KIF3A: variants seen among roughly 807,000 people sequenced by gnomAD.
KIF3A encodes kinesin-like protein KIF3A.
Under a neutral mutation model 92.6 loss-of-function variants are expected in KIF3A, and 27 were observed. The ratio of observed to expected loss-of-function variants is 0.29; its 90% CI spans 0.21 to 0.40. The LOEUF (loss-of-function observed/expected upper bound fraction) is 0.40, where lower values mean the gene tolerates loss of function less well. Ranked by LOEUF, KIF3A falls within the 10% of genes least tolerant of loss-of-function variation. The probability of loss-of-function intolerance (pLI) is 1.00; values close to 1 mark genes in which losing one functional copy is unlikely to be tolerated. For missense variants in KIF3A, 581 were observed against 872.6 expected, an observed-to-expected ratio of 0.67 and a Z score of 4.21; for synonymous variants, 250 against 275.4, an observed-to-expected ratio of 0.91 and a Z score of 0.92.
downstream of KIF3A, among the ~76,000 whole-genome samples, chr5:132,691,762 C>T (rs1031521712): frequency 2.6e-4 from 40 of 151,408 alleles, no homozygotes; most frequent in African/African-American, 9.5e-4. Flanking sequence ...ATTAGCCAGG[C>T]ATGGTGGTGC....
At chr5:132,699,334 A>G (rs1236086994) in intron 17 of KIF3A, 39 bp from the exon 18 acceptor site, 2 of 1,602,466 alleles carry the variant, frequency 1.2e-6, no homozygotes, top group Non-Finnish European at 1.7e-6. Context: ...TCTTAAGGCA[A>G]AGAGTTAAAG....
intron 15 of KIF3A, among the ~76,000 whole-genome samples, chr5:132,701,821 T>C (rs183220911): frequency 6.6e-5 from 10 of 152,270 alleles, no homozygotes; most frequent in African/African-American, 1.9e-4. Flanking sequence ...TCTACTTGTA[T>C]GATAATGGGC....
chr5:132,727,872 T>A (rs1401138880), intron 2 of KIF3A, among the ~76,000 whole-genome samples: 1 of 152,222 alleles, frequency 6.6e-6, no homozygotes, highest in Middle Eastern at 3.2e-3. Context: ...CAACTAATAC[T>A]ACTCTATTCA....
At chr5:132,702,060 A>C in intron 15 of KIF3A, 27 bp downstream of exon 15, 1 of 1,596,164 alleles carries the variant, frequency 6.3e-7, no homozygotes, top group South Asian at 1.1e-5. Flanking sequence ...TCAAGCGACT[A>C]TCTCGGTCAG....
Position 132,716,863 on chromosome 5 carries a change from G to A in KIF3A, c.738C>T (p.Leu246=). 1 of 1,613,960 alleles carries A rather than the reference G, an allele frequency of 6.2e-7. No individual in the cohort carries two copies. The highest frequency in any genetic ancestry group is 1.3e-5 in the African/African-American group (1 of 75,028). ...TACTTACAGCAAGATCTACAAGATG[G>A]AGCTTCCCCATCCTGACATGCATGT... The part of the protein sequence containing the change: ...DGNMHVRMGK[L]HLVDLAGSER... The change falls in exon 6 of 19, where the codon CTC becomes CTT. Residue 246 remains leucine, a synonymous_variant. Coordinates refer to ENST00000403231, the MANE Select transcript of KIF3A (RefSeq NM_001300791.2).
downstream of KIF3A, among the ~76,000 whole-genome samples, chr5:132,691,563 T>C (rs911490382): frequency 6.6e-6 from 1 of 151,782 alleles, no homozygotes; most frequent in Non-Finnish European, 1.5e-5. Context: ...AAAAAAAGTA[T>C]TTTTGGTGAA....
chr5:132,691,178 A>AC (rs1752655139), downstream of KIF3A, among the ~76,000 whole-genome samples: 2 of 152,296 alleles, frequency 1.3e-5, no homozygotes, highest in African/African-American at 4.8e-5. Flanking sequence ...CTACATACAC[A>AC]CTTCCTTAAG....
chr5:132,699,432 A>G (rs889231072), intron 17 of KIF3A, 137 bp from the exon 18 acceptor site: 1 of 781,736 alleles, frequency 1.3e-6, no homozygotes, highest in African/African-American at 1.7e-5. Context: ...TAATGACATC[A>G]TCTTCTAATC....
intron 16 of KIF3A, 129 bp from the exon 17 acceptor site, chr5:132,700,413 G>T: frequency 1.5e-6 from 1 of 688,042 alleles, no homozygotes; most frequent in Non-Finnish European, 2.5e-6. Context: ...AGCAGAAAGG[G>T]CCCCAGAGGT....
chr5:132,712,115 A>G (rs1040432615), intron 8 of KIF3A, among the ~76,000 whole-genome samples: 1 of 152,154 alleles, frequency 6.6e-6, no homozygotes, highest in Non-Finnish European at 1.5e-5. Context: ...TCTGAAAAAT[A>G]TTTTTTTCTT....
chr5:132,699,446 G>T, intron 17 of KIF3A, 151 bp from the exon 18 acceptor site: 2 of 727,118 alleles, frequency 2.8e-6, no homozygotes, highest in Non-Finnish European at 4.7e-6. Context: ...TCTAATCCCA[G>T]TATCTAAAAT....
intron 2 of KIF3A, among the ~76,000 whole-genome samples, chr5:132,733,489 C>T (rs1321096735): frequency 6.6e-6 from 1 of 152,180 alleles, no homozygotes; most frequent in Non-Finnish European, 1.5e-5. Context: ...TGGAGAGAAG[C>T]TGGACATGGT....
In KIF3A at chr5:132,715,949, T is replaced by A. The variant is rs1343156828; in HGVS notation, c.955-18A>T. The stretch of plus-strand genomic sequence containing the variant: ...TTTGCACACTATTGAATTAGAAATA[T>A]GAAACAAATCATTTTACACTTGACA... On this transcript the variant is annotated intron_variant, in intron 7 of 18. Coordinates refer to ENST00000403231, the MANE Select transcript of KIF3A (RefSeq NM_001300791.2). 1 of 1,521,634 alleles carries A rather than the reference T, an allele frequency of 6.6e-7. No individual in the cohort carries two copies. The allele number at this position is 1,521,634 out of a possible 1,614,324, so 94.3% of individuals were successfully genotyped here. A position where few individuals can be genotyped will look rare whatever the true frequency, so the allele number is the denominator to read the frequency against.
At chr5:132,710,281 T>A (rs531824930) in intron 9 of KIF3A, among the ~76,000 whole-genome samples, 6 of 152,298 alleles carry the variant, frequency 3.9e-5, no homozygotes, top group African/African-American at 1.2e-4. Context: ...AAGACTAATC[T>A]TGTTTGTGGA....
intron 2 of KIF3A, among the ~76,000 whole-genome samples, chr5:132,733,784 C>T (rs753688500): frequency 4.9e-4 from 75 of 152,136 alleles, no homozygotes; most frequent in Non-Finnish European, 9.0e-4. Context: ...AATGTTTCAA[C>T]GTTTTAAATG....
At chr5:132,705,351 A>T (rs1231439077) in intron 11 of KIF3A, among the ~76,000 whole-genome samples, 1 of 151,954 alleles carries the variant, frequency 6.6e-6, no homozygotes, top group Non-Finnish European at 1.5e-5. Flanking sequence ...TTAAGACAAA[A>T]ATAATAAATG....
intron 5 of KIF3A, 97 bp downstream of exon 5, chr5:132,720,512 A>T: frequency 1.6e-6 from 1 of 628,216 alleles, no homozygotes. Flanking sequence ...AACCTAAAAA[A>T]TCCAGTCTCT....
At position 132,706,606 on chromosome 5, in the gene KIF3A, C is replaced by T. The variant is rs953688342; in HGVS notation, c.1301-147G>A. ...TTAAGTGTAGAAATAAAAATCAAAC[C>T]GTTATCAAAACTGAAATAGAGCCCA... is the stretch of plus-strand genomic sequence containing the variant. On this transcript the variant is annotated intron_variant, in intron 10 of 18. Coordinates refer to ENST00000403231, the MANE Select transcript of KIF3A (RefSeq NM_001300791.2). 9 of 568,960 alleles carry T rather than the reference C, an allele frequency of 1.6e-5. No individual in the cohort carries two copies. In the African/African-American group the frequency reaches 1.6e-4, roughly 10 times the overall value. 35.2% of individuals were successfully genotyped at this position (568,960 alleles called of 1,614,324 possible). A position where few individuals can be genotyped will look rare whatever the true frequency, so the allele number is the denominator to read the frequency against.
At position 132,734,286 on chromosome 5, in the gene KIF3A, A is replaced by G; in HGVS notation, c.199T>C (p.Phe67Leu). 6.2e-7 allele frequency: 1 copy of G among 1,614,162 alleles called. No individual in the cohort carries two copies. The highest frequency in any genetic ancestry group is 1.1e-5 in the South Asian group (1 of 91,082). The change falls in exon 2 of 19, where the codon TTT (phenylalanine) becomes CTT (leucine). Residue 67 changes from phenylalanine (F) to leucine (L), a missense_variant. Phe to Leu is a conservative substitution (Grantham distance 22). Coordinates refer to ENST00000403231, the MANE Select transcript of KIF3A (RefSeq NM_001300791.2). ...PPKTFTFDTVFGPESKQLDVY... is the reference protein window; with the variant it reads ...PPKTFTFDTVLGPESKQLDVY... The stretch of plus-strand genomic sequence containing the variant: ...TCAAGTTGTTTACTCTCTGGTCCAA[A>G]AACAGTATCAAAAGTAAATGTCTTT...
Sources: allele counts gnomAD v4.1 joint callset (sites outside exome capture counted in the v4.1 genomes callset), GRCh38; gene constraint gnomAD v4.1.1; transcripts MANE v1.5; gene names NCBI Gene and HGNC (gene_info 2026-07-23, HGNC 2026-07-21).